The following TSPAN18 variants were observed in gnomAD, a reference collection of about 807,000 sequenced individuals.
TSPAN18 encodes the protein tetraspanin 18, also known as tetraspanin-18.
A neutral mutation model predicts 27.3 loss-of-function variants in TSPAN18; 14 were observed. That is an observed-to-expected ratio of 0.51 (90% CI 0.34 to 0.80). The LOEUF (loss-of-function observed/expected upper bound fraction) is 0.80, where lower values mean the gene tolerates loss of function less well. Among genes scored for constraint, TSPAN18 ranks in the 30% least tolerant of loss-of-function variants. The pLI, the probability that TSPAN18 is intolerant of heterozygous loss-of-function variation, is 0.01. For synonymous variants in TSPAN18, 143 were observed against 136.5 expected, an observed-to-expected ratio of 1.05 and a Z score of -0.33; for missense variants, 268 against 323.9, an observed-to-expected ratio of 0.83 and a Z score of 1.32.
intron 8 of TSPAN18, among the ~76,000 whole-genome samples, chr11:44,922,618 G>A (rs1363613366): frequency 6.6e-6 from 1 of 152,164 alleles, no homozygotes; most frequent in Non-Finnish European, 1.5e-5. Context: ...TGGTGCCAGT[G>A]AGAAAGGACA....
intron 1 of TSPAN18, among the ~76,000 whole-genome samples, chr11:44,735,680 G>A (rs1227477661): frequency 2.0e-5 from 3 of 150,930 alleles, no homozygotes; most frequent in Non-Finnish European, 2.9e-5. Context: ...GCGCAGTGGC[G>A]ATCTCTGCTC....
Position 44,899,832 on chromosome 11 carries a change from T to C in TSPAN18, c.-10-6575T>C, listed in dbSNP as rs78035327. Among the ~76,000 whole-genome samples, 886 of 152,308 alleles carry C rather than the reference T, an allele frequency of 5.8e-3. 4 individuals are homozygous for C. Among genetic ancestry groups the C allele is most frequent in the Non-Finnish European group, 0.01 (705 of 68,014 alleles). ...CTACAGGCCCCACCCACACTGCTAC[T>C]CTCCCTTCAGGGACCCTTTAGCTCA... is the stretch of plus-strand genomic sequence containing the variant. On this transcript the variant is annotated intron_variant, in intron 3 of 9. Transcript: ENST00000520358.
At position 44,919,763 on chromosome 11, in the gene TSPAN18, C is replaced by T. The variant is rs112012430; in HGVS notation, c.433-54C>T. The T allele has an allele frequency of 2.7e-4, 427 of 1,566,724 alleles. No homozygotes were observed. The East Asian group carries it at 5.4e-3, about 20-fold the overall frequency. ...GAGGCTGTATGTCCTTCTCTGTCCC[C>T]GCCCCTGTGTCCTCCTCCTGCCCAC... On this transcript the variant is annotated intron_variant, in intron 7 of 9. Transcript: ENST00000520358.
intron 2 of TSPAN18, among the ~76,000 whole-genome samples, chr11:44,848,701 T>C (rs138553188): frequency 7.2e-5 from 11 of 152,370 alleles, no homozygotes; most frequent in South Asian, 2.1e-4. Context: ...GAAGCAATCA[T>C]TGGGGTACCC....
At chr11:44,869,509 G>C in intron 3 of TSPAN18, among the ~76,000 whole-genome samples, 1 of 152,228 alleles carries the variant, frequency 6.6e-6, no homozygotes. Flanking sequence ...GCTGGGCCCA[G>C]ACAGTCTTCT....
intron 3 of TSPAN18, among the ~76,000 whole-genome samples, chr11:44,870,806 A>G (rs1471209958): frequency 1.3e-5 from 2 of 152,172 alleles, no homozygotes; most frequent in African/African-American, 4.8e-5. Flanking sequence ...TTCAGCTGTT[A>G]AAGATGTCAC....
chr11:44,743,332 T>G (rs1854990869), intron 1 of TSPAN18, among the ~76,000 whole-genome samples: 1 of 152,108 alleles, frequency 6.6e-6, no homozygotes, highest in Admixed American at 6.5e-5. Context: ...TCAGACCAAG[T>G]GCTTCTGCCA....
intron 1 of TSPAN18, among the ~76,000 whole-genome samples, chr11:44,734,499 C>T (rs1216304748): frequency 6.6e-6 from 1 of 152,240 alleles, no homozygotes; most frequent in Non-Finnish European, 1.5e-5. Flanking sequence ...TGCACCTCTT[C>T]TCTCCCCCTT....
intron 8 of TSPAN18, among the ~76,000 whole-genome samples, chr11:44,924,503 C>G (rs1330938578): frequency 6.6e-6 from 1 of 152,078 alleles, no homozygotes; most frequent in Non-Finnish European, 1.5e-5. Flanking sequence ...GTTCCCTGTC[C>G]GGGAAACCCC....
rs60427625 is a variant in TSPAN18 at position 44,902,836 on chromosome 11, A to C, written c.-10-3571A>C. Among the ~76,000 whole-genome samples, 608 of 152,276 alleles carry C rather than the reference A, an allele frequency of 4.0e-3. 4 individuals carry two copies. Among genetic ancestry groups the C allele is most frequent in the African/African-American group, 0.014 (578 of 41,552 alleles). On this transcript the variant is annotated intron_variant, in intron 3 of 9. Coordinates refer to ENST00000520358, the MANE Select transcript of TSPAN18 (RefSeq NM_130783.5). ...GTCCTCACCCAGGAGAGGGTACAAC[A>C]GAGAGAGGAAACGGAGCACAGGAGA...
intron 1 of TSPAN18, among the ~76,000 whole-genome samples, chr11:44,751,441 CAG>C (rs1855208390): frequency 6.6e-6 from 1 of 152,108 alleles, no homozygotes; most frequent in Admixed American, 6.6e-5. Flanking sequence ...GGGATAGTAA[CAG>C]TACCTTTCTC....
intron 2 of TSPAN18, among the ~76,000 whole-genome samples, chr11:44,806,563 A>G (rs1394536081): frequency 1.3e-5 from 2 of 152,230 alleles, no homozygotes; most frequent in Non-Finnish European, 2.9e-5. Flanking sequence ...CCCCAGAAAT[A>G]TAACTGCTTA....
chr11:44,852,802 G>A (rs1248168747), intron 2 of TSPAN18, among the ~76,000 whole-genome samples: 1 of 152,224 alleles, frequency 6.6e-6, no homozygotes, highest in Non-Finnish European at 1.5e-5. Flanking sequence ...GAGGATGTTT[G>A]TCAGGGGAAG....
intron 2 of TSPAN18, among the ~76,000 whole-genome samples, chr11:44,855,766 T>G (rs1857719792): frequency 1.3e-5 from 1 of 74,998 alleles, no homozygotes; most frequent in South Asian, 4.3e-4. Context: ...CACCTTCCCC[T>G]GACATCTCCT....
At chr11:44,818,412 C>T (rs1467056245) in intron 2 of TSPAN18, among the ~76,000 whole-genome samples, 1 of 152,248 alleles carries the variant, frequency 6.6e-6, no homozygotes, top group African/African-American at 2.4e-5. Flanking sequence ...GATTTCCTGG[C>T]TCAGCACCCC....
At chr11:44,791,712 A>G (rs919962516) in intron 2 of TSPAN18, among the ~76,000 whole-genome samples, 11 of 152,184 alleles carry the variant, frequency 7.2e-5, no homozygotes, top group African/African-American at 7.2e-5. Context: ...TCCGGGAGCA[A>G]TGTGCAGTGG....
chr11:44,751,469 G>A (rs1225331002), intron 1 of TSPAN18, among the ~76,000 whole-genome samples: 1 of 152,146 alleles, frequency 6.6e-6, no homozygotes, highest in Non-Finnish European at 1.5e-5. Flanking sequence ...GTGGTGGTGA[G>A]GTCCTAATGT....
intron 4 of TSPAN18, among the ~76,000 whole-genome samples, chr11:44,909,137 C>T (rs1859614182): frequency 6.6e-6 from 1 of 152,234 alleles, no homozygotes; most frequent in Non-Finnish European, 1.5e-5. Context: ...GTTGGAACCT[C>T]ACTGAGAGTC....
At chr11:44,737,175 T>TG (rs1854817092) in intron 1 of TSPAN18, among the ~76,000 whole-genome samples, 1 of 152,176 alleles carries the variant, frequency 6.6e-6, no homozygotes, top group Non-Finnish European at 1.5e-5. Context: ...TGTGGGGGCA[T>TG]GGGGAGGCCA....
Sources: allele counts gnomAD v4.1 joint callset (sites outside exome capture counted in the v4.1 genomes callset), GRCh38; gene constraint gnomAD v4.1.1; transcripts MANE v1.5; gene names NCBI Gene and HGNC (gene_info 2026-07-23, HGNC 2026-07-21).